Variants in B3GALT1 observed in about 807,000 individuals in gnomAD.
B3GALT1 encodes the protein beta-1,3-galactosyltransferase 1.
A neutral mutation model predicts 23.2 loss-of-function variants in B3GALT1; 10 were observed. The observed-to-expected ratio is 0.43, with a 90% CI of 0.27 to 0.73. The LOEUF (loss-of-function observed/expected upper bound fraction) is 0.73. Among genes scored for constraint, B3GALT1 ranks in the 30% least tolerant of loss-of-function variants. B3GALT1 has a pLI of 0.21. For missense variants in B3GALT1, 299 were observed against 405.4 expected (o/e 0.74, Z 2.25); for synonymous variants, 156 against 141.5 (o/e 1.10, Z -0.73).
chr2:167,727,784 G>A (rs1284807136), intron 3 of B3GALT1, among the ~76,000 whole-genome samples: 1 of 152,038 alleles, frequency 6.6e-6, no homozygotes, highest in Non-Finnish European at 1.5e-5. Flanking sequence ...AACTTGTGAG[G>A]CAAATCAAAG....
chr2:167,815,323 A>G (rs1422295034), intron 3 of B3GALT1: 1 of 152,232 alleles, frequency 6.6e-6, no homozygotes, highest in East Asian at 1.9e-4. Context: ...TCATTAACTA[A>G]TTAGATCAAC....
Position 167,872,480 on chromosome 2 carries a change from C to T in B3GALT1, c.*2460C>T, listed in dbSNP as rs1380533795. The T allele has an allele frequency of 1.3e-5, 2 of 152,198 alleles. No individual in the cohort carries two copies. Among genetic ancestry groups the T allele is most frequent in the Non-Finnish European group, 2.9e-5 (2 of 68,040 alleles). 9.4% of individuals were successfully genotyped at this position (152,198 alleles called of 1,614,324 possible). A position where few individuals can be genotyped will look rare whatever the true frequency, so the allele number is the denominator to read the frequency against. On this transcript the variant is annotated 3_prime_UTR_variant, in exon 5 of 5. Transcript: ENST00000392690. ...GGTGAACCACCCTCCAACCTGCAGC[C>T]TCAACTGCTGTGAGTTCCAATCACT...
In B3GALT1 at chr2:167,718,134, C is replaced by T. The variant is rs370859265; in HGVS notation, c.-352+71168C>T. 4.7e-4 allele frequency among the ~76,000 whole-genome samples: 72 copies of T among 152,204 alleles called. 3 individuals are homozygous for T. The East Asian group carries it at 0.012, about 25-fold the overall frequency. On this transcript the variant is annotated intron_variant, in intron 3 of 4. Transcript: ENST00000392690. ...TACACAAGAGGGGAGAACAGAAAAA[C>T]AAGCATGAATCAAACTGTGACCAAA...
At chr2:167,384,520 C>G (rs988997115) in intron 1 of B3GALT1, among the ~76,000 whole-genome samples, 1 of 152,134 alleles carries the variant, frequency 6.6e-6, no homozygotes, top group Non-Finnish European at 1.5e-5. Context: ...CCTATATTCC[C>G]TGATTTACTT....
intron 1 of B3GALT1, among the ~76,000 whole-genome samples, chr2:167,326,027 C>A (rs1413536103): frequency 6.6e-6 from 1 of 151,812 alleles, no homozygotes; most frequent in Non-Finnish European, 1.5e-5. Flanking sequence ...TCCCTGTTTT[C>A]TATAGTGGCT....
rs536200978 is a variant in B3GALT1, at chr2:167,492,269, AG to A, written c.-410+1993del. Among the ~76,000 whole-genome samples the A allele has an allele frequency of 2.4e-3, 361 of 152,322 alleles. 1 individual carries two copies. The highest frequency in any genetic ancestry group is 3.8e-3 in the Non-Finnish European group (258 of 68,026). ...TTCAGTTTGGCTTCTTTTACAAAGC[AG>A]TATGCTTTTAAGGTTCATCTATGTT... On this transcript the variant is annotated intron_variant, in intron 2 of 4. Transcript: ENST00000392690.
At chr2:167,440,098 C>T (rs1282030936) in intron 1 of B3GALT1, among the ~76,000 whole-genome samples, 1 of 151,898 alleles carries the variant, frequency 6.6e-6, no homozygotes, top group Non-Finnish European at 1.5e-5. Flanking sequence ...AATCCCAGCA[C>T]TTTGGGAGGC....
intron 2 of B3GALT1, among the ~76,000 whole-genome samples, chr2:167,594,971 A>G (rs1451171467): frequency 3.3e-5 from 5 of 152,096 alleles, no homozygotes; most frequent in African/African-American, 7.2e-5. Flanking sequence ...GCTTGTTCTG[A>G]ACTTCATTTA....
At chr2:167,769,683 C>T (rs1688039167) in intron 3 of B3GALT1, among the ~76,000 whole-genome samples, 1 of 152,116 alleles carries the variant, frequency 6.6e-6, no homozygotes, top group Non-Finnish European at 1.5e-5. Flanking sequence ...TTGAGTCTGG[C>T]TTCTTTTGCC....
intron 1 of B3GALT1, among the ~76,000 whole-genome samples, chr2:167,442,932 A>G (rs890372717): frequency 1.4e-5 from 2 of 146,972 alleles, no homozygotes; most frequent in African/African-American, 2.5e-5. Context: ...TTGGTGTTTT[A>G]GACATGAAGT....
chr2:167,430,865 A>G (rs879311070), intron 1 of B3GALT1, among the ~76,000 whole-genome samples: 3 of 152,220 alleles, frequency 2.0e-5, no homozygotes, highest in South Asian at 2.1e-4. Flanking sequence ...AAACACTTCA[A>G]TGAGGATCTC....
rs1414332557 is a variant in B3GALT1 at position 167,871,092 on chromosome 2, T to C, written c.*1072T>C. On this transcript the variant is annotated 3_prime_UTR_variant, in exon 5 of 5. Transcript: ENST00000392690. The stretch of plus-strand genomic sequence containing the variant: ...AACACCAGAGCATGTTCAGCAGCAA[T>C]GCTGTTATGAGGTATTCTGGGGGCT... The C allele has an allele frequency of 1.3e-5, 2 of 152,296 alleles. No homozygotes were observed. Among genetic ancestry groups the C allele is most frequent in the Non-Finnish European group, 1.5e-5 (1 of 68,020 alleles). 9.4% of individuals were successfully genotyped at this position (152,296 alleles called of 1,614,324 possible). A position where few individuals can be genotyped will look rare whatever the true frequency, so the allele number is the denominator to read the frequency against.
intron 1 of B3GALT1, among the ~76,000 whole-genome samples, chr2:167,312,987 A>C (rs1388579201): frequency 6.6e-6 from 1 of 152,124 alleles, no homozygotes; most frequent in Non-Finnish European, 1.5e-5. Flanking sequence ...TTACATTACG[A>C]CTACAGTTCT....
chr2:167,594,346 A>G (rs1468136946), intron 2 of B3GALT1, among the ~76,000 whole-genome samples: 1 of 152,174 alleles, frequency 6.6e-6, no homozygotes, highest in East Asian at 1.9e-4. Context: ...ATTTCTTTTA[A>G]TGTCAGGATG....
At chr2:167,316,517 C>T (rs1696721219) in intron 1 of B3GALT1, among the ~76,000 whole-genome samples, 1 of 152,154 alleles carries the variant, frequency 6.6e-6, no homozygotes. Context: ...TGTCACATGT[C>T]ATTGCTGCAA....
intron 1 of B3GALT1, among the ~76,000 whole-genome samples, chr2:167,396,805 A>T (rs570854011): frequency 4.0e-4 from 61 of 152,118 alleles, no homozygotes; most frequent in African/African-American, 1.3e-3. Context: ...AACTAATGCA[A>T]AAAGTATAAT....
chr2:167,782,097 T>G (rs1281058588), intron 3 of B3GALT1, among the ~76,000 whole-genome samples: 1 of 152,120 alleles, frequency 6.6e-6, no homozygotes, highest in East Asian at 1.9e-4. Context: ...AGACCAGAAA[T>G]TGTAATCCTG....
At chr2:167,500,132 A>G (rs1313282860) in intron 2 of B3GALT1, among the ~76,000 whole-genome samples, 1 of 152,170 alleles carries the variant, frequency 6.6e-6, no homozygotes, top group Non-Finnish European at 1.5e-5. Context: ...CCTCACAGGA[A>G]CAATTTCCTA....
chr2:167,699,495 G>C (rs1449402041), intron 3 of B3GALT1, among the ~76,000 whole-genome samples: 1 of 140,156 alleles, frequency 7.1e-6, no homozygotes, highest in Non-Finnish European at 1.5e-5. Flanking sequence ...TTGGTGAATA[G>C]AAAATTTTTG....
Sources: gnomAD v4.1 joint callset for allele counts (sites outside exome capture counted in the v4.1 genomes callset) on GRCh38, gnomAD v4.1.1 for gene constraint, MANE v1.5 for transcripts, NCBI Gene and HGNC (gene_info 2026-07-23, HGNC 2026-07-21) for gene names.